DOCK4: variants seen among roughly 807,000 people sequenced by gnomAD.
DOCK4 encodes the protein dedicator of cytokinesis protein 4.
DOCK4 carries 97 observed loss-of-function variants against 268.1 expected under a neutral mutation model. The ratio of observed to expected loss-of-function variants is 0.36; its 90% CI spans 0.31 to 0.43. The LOEUF is 0.43. Among genes scored for constraint, DOCK4 ranks in the 20% least tolerant of loss-of-function variants. The pLI is 1.00. For synonymous variants in DOCK4, 954 were observed against 887.2 expected, an observed-to-expected ratio of 1.08 and a Z score of -1.34; for missense variants, 2,145 against 2,455.7, an observed-to-expected ratio of 0.87 and a Z score of 2.67.
chr7:112,065,564 G>A (rs1175993743), intron 1 of DOCK4, among the ~76,000 whole-genome samples: 4 of 149,228 alleles, frequency 2.7e-5, no homozygotes, highest in African/African-American at 7.5e-5. Context: ...CAGCCTACTA[G>A]ATGGTGCTCA....
At chr7:111,836,054 A>T (rs13245833) in intron 25 of DOCK4, among the ~76,000 whole-genome samples, 40,712 of 152,040 alleles carry the variant, frequency 0.27, 6,328 homozygotes, top group African/African-American at 0.43. Context: ...ATATTTAACA[A>T]AAGAAATAAA....
chr7:111,778,436 CT>C, intron 35 of DOCK4, 67 bp from the exon 36 acceptor site: 1 of 1,012,684 alleles, frequency 9.9e-7, no homozygotes, highest in South Asian at 1.5e-5. Context: ...CTGCCTTTTA[CT>C]CTGCTAAAGT....
intron 1 of DOCK4, among the ~76,000 whole-genome samples, chr7:112,050,806 T>C (rs1805284720): frequency 6.6e-6 from 1 of 152,194 alleles, no homozygotes; most frequent in Non-Finnish European, 1.5e-5. Context: ...TGCATAAGTT[T>C]TCATGTTGTC....
At chr7:111,735,564 C>T (rs1173280346) in intron 50 of DOCK4, among the ~76,000 whole-genome samples, 1 of 152,168 alleles carries the variant, frequency 6.6e-6, no homozygotes, top group Non-Finnish European at 1.5e-5. Context: ...CAATGACATA[C>T]TAATATTTTA....
intron 1 of DOCK4, among the ~76,000 whole-genome samples, chr7:112,010,205 G>A (rs1047470254): frequency 6.6e-6 from 1 of 152,138 alleles, no homozygotes; most frequent in East Asian, 1.9e-4. Flanking sequence ...TTCTACATAT[G>A]TACAAAACCC....
chr7:111,747,858 C>T (rs1248478489), intron 42 of DOCK4, among the ~76,000 whole-genome samples: 1 of 152,018 alleles, frequency 6.6e-6, no homozygotes, highest in African/African-American at 2.4e-5. Flanking sequence ...TATAAAGATG[C>T]ATTTATGGAT....
rs538509979 is a variant in DOCK4 at position 111,880,933 on chromosome 7, ATG to A, written c.1588-3749_1588-3748del. Among the ~76,000 whole-genome samples, 9 of 152,358 alleles carry A rather than the reference ATG, an allele frequency of 5.9e-5. No homozygotes were observed. The South Asian group carries it at 1.9e-3, about 32-fold the overall frequency. On this transcript the variant is annotated intron_variant, in intron 16 of 52. Coordinates refer to ENST00000428084, the MANE Select transcript of DOCK4 (RefSeq NM_001363540.2). ...CACTATATACAAAAATCAAATCAAA[ATG>A]GATTAAAAATTAAATCTAAGACCTC... is the stretch of plus-strand genomic sequence containing the variant.
At chr7:112,010,264 T>A (rs1229813828) in intron 1 of DOCK4, among the ~76,000 whole-genome samples, 1 of 152,024 alleles carries the variant, frequency 6.6e-6, no homozygotes, top group Non-Finnish European at 1.5e-5. Context: ...ATCAGTAGTC[T>A]ATTTCAAGGT....
chr7:111,905,347 A>G (rs1436784863), intron 13 of DOCK4, among the ~76,000 whole-genome samples: 1 of 152,178 alleles, frequency 6.6e-6, no homozygotes, highest in African/African-American at 2.4e-5. Flanking sequence ...ATTACTCTAA[A>G]AATTTGATGT....
In DOCK4 at chr7:111,752,371, C is replaced by T. The variant is rs1226413794; in HGVS notation, c.4416+3144G>A. On this transcript the variant is annotated intron_variant, in intron 42 of 52. Transcript: ENST00000428084. ...TCTTTTAGGAGGCTACTGCAGTAATCAGGCACTAGGTGGCGCTATCGGTGG... is the reference window on the plus strand; with the variant it reads ...TCTTTTAGGAGGCTACTGCAGTAATTAGGCACTAGGTGGCGCTATCGGTGG... 2.0e-5 allele frequency among the ~76,000 whole-genome samples: 3 copies of T among 152,050 alleles called. No individual in the cohort carries two copies. The East Asian group carries it at 5.8e-4, about 29-fold the overall frequency.
chr7:111,920,595 G>A (rs1793020834), intron 12 of DOCK4, among the ~76,000 whole-genome samples: 1 of 151,738 alleles, frequency 6.6e-6, no homozygotes, highest in Non-Finnish European at 1.5e-5. Flanking sequence ...GCTATCTCTG[G>A]GGTTGGGGCA....
At chr7:111,973,156 C>CATATATGTATATAT (rs1797862160) in intron 8 of DOCK4, among the ~76,000 whole-genome samples, 1 of 114,062 alleles carries the variant, frequency 8.8e-6, no homozygotes, top group Non-Finnish European at 1.7e-5. Context: ...TATTCCATGG[C>CATATATGTATATAT]ATATATATAT....
At chr7:111,907,281 C>A (rs1791665717) in intron 13 of DOCK4, among the ~76,000 whole-genome samples, 1 of 152,202 alleles carries the variant, frequency 6.6e-6, no homozygotes, top group Non-Finnish European at 1.5e-5. Flanking sequence ...TGGGAGGTAG[C>A]TTTTTATGTT....
At chr7:111,736,258 T>C (rs1349101360) in intron 50 of DOCK4, among the ~76,000 whole-genome samples, 2 of 152,206 alleles carry the variant, frequency 1.3e-5, no homozygotes, top group Non-Finnish European at 2.9e-5. Context: ...CTCTTATTTT[T>C]GAGGCTTGAC....
chr7:111,951,288 C>T (rs1459877659), intron 8 of DOCK4, among the ~76,000 whole-genome samples: 2 of 152,114 alleles, frequency 1.3e-5, no homozygotes, highest in Non-Finnish European at 2.9e-5. Context: ...CCTTACATAG[C>T]TCTTCTCATT....
intron 12 of DOCK4, among the ~76,000 whole-genome samples, chr7:111,931,315 G>A (rs1399315449): frequency 1.3e-5 from 2 of 152,158 alleles, no homozygotes; most frequent in Non-Finnish European, 2.9e-5. Context: ...GCTACAACAC[G>A]TAGCTTTTCA....
chr7:111,743,575 C>T (rs1007580314), intron 44 of DOCK4, among the ~76,000 whole-genome samples: 1 of 152,196 alleles, frequency 6.6e-6, no homozygotes, highest in Non-Finnish European at 1.5e-5. Flanking sequence ...CCCCAGTCTT[C>T]TCCATTTTAA....
intron 28 of DOCK4, among the ~76,000 whole-genome samples, chr7:111,810,465 GA>G (rs1025175286): frequency 3.6e-5 from 5 of 140,528 alleles, no homozygotes; most frequent in African/African-American, 5.3e-5. Flanking sequence ...ACAAAAAAAA[GA>G]AAAAAAAAAG....
chr7:111,784,167 T>C (rs1454192030), intron 32 of DOCK4, 44 bp from the exon 33 acceptor site: 2 of 1,543,838 alleles, frequency 1.3e-6, no homozygotes, highest in Non-Finnish European at 1.7e-6. Context: ...TTTCAGATTA[T>C]CCAAGTCATA....
Sources: allele counts gnomAD v4.1 joint callset (sites outside exome capture counted in the v4.1 genomes callset), GRCh38; gene constraint gnomAD v4.1.1; transcripts MANE v1.5; gene names NCBI Gene and HGNC (gene_info 2026-07-23, HGNC 2026-07-21).